The following TOP3A variants were observed in gnomAD, a reference collection of about 807,000 sequenced individuals.
The protein encoded by TOP3A is DNA topoisomerase III alpha.
In TOP3A, 64 loss-of-function variants were observed where a neutral mutation model predicts 111.3. That is an observed-to-expected ratio of 0.57 (90% CI 0.47 to 0.71). The LOEUF is 0.71. Ranked by LOEUF, TOP3A falls within the 30% of genes least tolerant of loss-of-function variation. TOP3A has a pLI of 0.00. For synonymous variants in TOP3A, 484 were observed against 485.1 expected (o/e 1.00, Z 0.03); for missense variants, 1,104 against 1,285.0 (o/e 0.86, Z 2.15).
intron 3 of TOP3A, 36 bp downstream of exon 3, chr17:18,308,315 T>C (rs771518434): frequency 6.0e-6 from 8 of 1,325,764 alleles, no homozygotes; most frequent in South Asian, 4.3e-5. Context: ...CAACTTACTA[T>C]AATCTGAAAG....
intron 10 of TOP3A, among the ~76,000 whole-genome samples, chr17:18,294,201 A>C (rs758799079): frequency 1.5e-4 from 23 of 152,214 alleles, no homozygotes; most frequent in Non-Finnish European, 2.8e-4. Flanking sequence ...AATCTACTCT[A>C]TGGGTTTTTA....
intron 9 of TOP3A, among the ~76,000 whole-genome samples, chr17:18,295,961 G>A (rs528540373): frequency 1.3e-5 from 2 of 149,550 alleles, no homozygotes; most frequent in East Asian, 2.0e-4. Flanking sequence ...TAGAGACAGG[G>A]TTTCACCATG....
chr17:18,278,418 C>T, intron 17 of TOP3A, 61 bp from the exon 18 acceptor site: 1 of 1,442,474 alleles, frequency 6.9e-7, no homozygotes, highest in Non-Finnish European at 9.2e-7. Context: ...CTCCTTAGTC[C>T]AGTGAGGGCT....
intron 15 of TOP3A, among the ~76,000 whole-genome samples, chr17:18,284,628 C>G (rs531549539): frequency 6.6e-6 from 1 of 152,220 alleles, no homozygotes; most frequent in African/African-American, 2.4e-5. Context: ...GAAAACACAT[C>G]ATTTCTAACA....
chr17:18,303,894 C>T (rs967871146), intron 5 of TOP3A, among the ~76,000 whole-genome samples: 2 of 152,174 alleles, frequency 1.3e-5, no homozygotes, highest in Non-Finnish European at 1.5e-5. Flanking sequence ...CTCTCGTCTC[C>T]ACCTTGTGAG....
At position 18,273,818 on chromosome 17, in the gene TOP3A, CT is replaced by C. The variant is rs1482509154; in HGVS notation, c.*983del. Reference sequence around the variant, plus strand: ...ATATTTTTAAAAATAGAGACAAGGTCTAACTATGTTGCCCAGGCTGGTCTTG... The same window carrying C: ...ATATTTTTAAAAATAGAGACAAGGTCAACTATGTTGCCCAGGCTGGTCTTG... On this transcript the variant is annotated 3_prime_UTR_variant, in exon 19 of 19. Coordinates refer to ENST00000321105, the MANE Select transcript of TOP3A (RefSeq NM_004618.5). The C allele has an allele frequency of 2.0e-5, 3 of 152,198 alleles. No homozygotes were observed. Among genetic ancestry groups the C allele is most frequent in the African/African-American group, 7.2e-5 (3 of 41,424 alleles). 9.4% of individuals were successfully genotyped at this position (152,198 alleles called of 1,614,324 possible).
intron 15 of TOP3A, among the ~76,000 whole-genome samples, chr17:18,283,678 G>C (rs1378867072): frequency 6.6e-6 from 1 of 152,166 alleles, no homozygotes; most frequent in Non-Finnish European, 1.5e-5. Context: ...AGTCCCAGAA[G>C]ACTGCTGCCC....
Position 18,272,169 on chromosome 17 carries a change from A to G in TOP3A, c.*2633T>C, listed in dbSNP as rs764690564. ...CCAGTAAGCCTGTGGAAAGATGGTC[A>G]ATGTCATTAATGACTAGGAAAATGC... On this transcript the variant is annotated 3_prime_UTR_variant, in exon 19 of 19. Transcript: ENST00000321105. 6.6e-6 allele frequency among the ~76,000 whole-genome samples: 1 copy of G among 152,272 alleles called. No individual in the cohort carries two copies. The highest frequency in any genetic ancestry group is 2.4e-5 in the African/African-American group (1 of 41,482).
At chr17:18,286,348 A>C (rs1466480655) in intron 13 of TOP3A, among the ~76,000 whole-genome samples, 1 of 27,710 alleles carries the variant, frequency 3.6e-5, no homozygotes, top group African/African-American at 1.3e-4. Context: ...CTAAAAATAC[A>C]AAAAAAAAAA....
rs4924843 is a variant in TOP3A at position 18,297,444 on chromosome 17, C to G, written c.990+2115G>C. On this transcript the variant is annotated intron_variant, in intron 9 of 18. Transcript: ENST00000321105. ...GCGCCCTGTCCCTGTCCCTGTCCCTCTCCCTCTCCCCACGGTCTCCGTCTC... is the reference window on the plus strand; with the variant it reads ...GCGCCCTGTCCCTGTCCCTGTCCCTGTCCCTCTCCCCACGGTCTCCGTCTC... Among the ~76,000 whole-genome samples the G allele has an allele frequency of 5.3e-3, 346 of 65,338 alleles. 1 individual carries two copies. The highest frequency in any genetic ancestry group is 0.013 in the African/African-American group (127 of 9,450). 42.9% of individuals were successfully genotyped at this position (65,338 alleles called of 152,430 possible). A position where few individuals can be genotyped will look rare whatever the true frequency, so the allele number is the denominator to read the frequency against.
At chr17:18,290,317 G>A (rs1159307239) in intron 13 of TOP3A, among the ~76,000 whole-genome samples, 3 of 152,236 alleles carry the variant, frequency 2.0e-5, no homozygotes, top group Non-Finnish European at 4.4e-5. Flanking sequence ...TTACTATGTG[G>A]ACAGCACAGT....
intron 5 of TOP3A, among the ~76,000 whole-genome samples, chr17:18,303,485 T>C (rs1474381674): frequency 6.6e-6 from 1 of 152,178 alleles, no homozygotes; most frequent in East Asian, 1.9e-4. Flanking sequence ...AATGACTCGG[T>C]GTACAACCGA....
At chr17:18,291,097 A>G in intron 11 of TOP3A, 70 bp from the exon 12 acceptor site, 1 of 1,504,394 alleles carries the variant, frequency 6.6e-7, no homozygotes, top group Non-Finnish European at 9.1e-7. Context: ...CATCACTGGT[A>G]GCCTTAGCCT....
chr17:18,307,051 T>C, intron 3 of TOP3A, 85 bp from the exon 4 acceptor site: 1 of 928,432 alleles, frequency 1.1e-6, no homozygotes, highest in Non-Finnish European at 1.7e-6. Context: ...TTCCAATGGG[T>C]TCATGGTGTA....
intron 2 of TOP3A, 66 bp downstream of exon 2, chr17:18,308,814 CAT>C: frequency 9.7e-7 from 1 of 1,033,888 alleles, no homozygotes; most frequent in East Asian, 2.6e-5. Flanking sequence ...ACATATTCTA[CAT>C]ATGACGAGGC....
intron 17 of TOP3A, chr17:18,280,335 G>T: frequency 5.9e-6 from 3 of 510,838 alleles, no homozygotes; most frequent in Non-Finnish European, 6.9e-6. Flanking sequence ...CTCCAAACAG[G>T]GTCATACCTG....
chr17:18,308,133 A>G (rs1981693664), intron 3 of TOP3A, among the ~76,000 whole-genome samples: 1 of 148,040 alleles, frequency 6.8e-6, no homozygotes, highest in East Asian at 2.1e-4. Flanking sequence ...AATCACTCGA[A>G]CCCAGGAGGC....
At chr17:18,306,848 CTG>C (rs757478391) in intron 4 of TOP3A, 41 bp downstream of exon 4, 3 of 1,282,304 alleles carry the variant, frequency 2.3e-6, no homozygotes, top group Admixed American at 3.5e-5. Context: ...CTGTTTGACT[CTG>C]TGGTTTGACT....
chr17:18,284,258 C>T (rs1039488149), intron 15 of TOP3A, among the ~76,000 whole-genome samples: 6 of 151,950 alleles, frequency 3.9e-5, no homozygotes, highest in South Asian at 4.2e-4. Context: ...GTGATCTACC[C>T]GCCTCGGCCT....
Sources: allele counts gnomAD v4.1 joint callset (sites outside exome capture counted in the v4.1 genomes callset), GRCh38; gene constraint gnomAD v4.1.1; transcripts MANE v1.5; gene names NCBI Gene and HGNC (gene_info 2026-07-23, HGNC 2026-07-21).